Variants in SYN3 observed in about 807,000 individuals in gnomAD.
SYN3 encodes synapsin III, also known as synapsin-3.
A neutral mutation model predicts 65.8 loss-of-function variants in SYN3; 35 were observed. That is an observed-to-expected ratio of 0.53 (90% CI 0.41 to 0.70). The LOEUF is 0.70. Among genes scored for constraint, SYN3 ranks in the 30% least tolerant of loss-of-function variants. SYN3 has a pLI of 0.00. For synonymous variants in SYN3, 270 were observed against 292.9 expected (o/e 0.92, Z 0.80); for missense variants, 680 against 749.0 (o/e 0.91, Z 1.08).
intron 6 of SYN3, among the ~76,000 whole-genome samples, chr22:32,642,737 T>C (rs181964514): frequency 1.1e-3 from 173 of 152,152 alleles, no homozygotes; most frequent in African/African-American, 4.1e-3. Context: ...CTTATTTTTA[T>C]TTTTGAGATG....
rs915412554 is a variant in SYN3 at position 32,837,335 on chromosome 22, A to G, written c.711+27580T>C. Reference sequence around the variant, plus strand: ...CTCTCAGGGGATAGGGGGTGGTCTCAGCCCCCCTCACCGAGTGCACTTGCA... The same window carrying G: ...CTCTCAGGGGATAGGGGGTGGTCTCGGCCCCCCTCACCGAGTGCACTTGCA... On this transcript the variant is annotated intron_variant, in intron 6 of 13. Transcript: ENST00000358763. This position sits in a 1 kb window ranked among gnomAD's most constrained non-coding sequence, Gnocchi z 4.1. Among the ~76,000 whole-genome samples, 1 of 152,134 alleles carries G rather than the reference A, an allele frequency of 6.6e-6. No individual in the cohort carries two copies. Among genetic ancestry groups the G allele is most frequent in the Non-Finnish European group, 1.5e-5 (1 of 68,020 alleles).
chr22:33,006,237 C>G, intron 2 of SYN3, 115 bp downstream of exon 2: 1 of 1,262,600 alleles, frequency 7.9e-7, no homozygotes, highest in Non-Finnish European at 1.1e-6. Context: ...TCCAGCCAGG[C>G]TCTGATAGCA....
At chr22:32,708,652 CTT>C (rs1451856252) in intron 6 of SYN3, among the ~76,000 whole-genome samples, 1 of 152,214 alleles carries the variant, frequency 6.6e-6, no homozygotes, top group East Asian at 1.9e-4. Flanking sequence ...ACAGAAGCAG[CTT>C]GCCTGAGGCA....
chr22:32,927,536 C>A (rs2050509103), intron 4 of SYN3, among the ~76,000 whole-genome samples: 1 of 152,122 alleles, frequency 6.6e-6, no homozygotes, highest in Non-Finnish European at 1.5e-5. Flanking sequence ...AGGCGTGAGC[C>A]ACCACACCTG....
intron 7 of SYN3, among the ~76,000 whole-genome samples, chr22:32,588,700 G>C (rs566309056): frequency 6.6e-6 from 1 of 152,288 alleles, no homozygotes; most frequent in East Asian, 1.9e-4. Flanking sequence ...CACACAAACA[G>C]TAAATAGTAA....
At chr22:32,843,715 C>T (rs1046484339) in intron 6 of SYN3, among the ~76,000 whole-genome samples, 1 of 152,174 alleles carries the variant, frequency 6.6e-6, no homozygotes. Flanking sequence ...ATGGTCCAGG[C>T]TTTTCTTCCT....
At chr22:32,986,447 C>T (rs914483848) in intron 2 of SYN3, among the ~76,000 whole-genome samples, 8 of 152,170 alleles carry the variant, frequency 5.3e-5, no homozygotes, top group Admixed American at 1.3e-4. Context: ...GCCTGGCAGA[C>T]GGACTGGGGC....
At chr22:32,807,320 TA>T (rs1360447556) in intron 6 of SYN3, among the ~76,000 whole-genome samples, 1,455 of 105,544 alleles carry the variant, frequency 0.014, 38 homozygotes, top group Admixed American at 0.095. Context: ...ATATAATATA[TA>T]AATATATAAT....
At chr22:32,535,248 A>G (rs1227235810) in intron 9 of SYN3, among the ~76,000 whole-genome samples, 6 of 152,176 alleles carry the variant, frequency 3.9e-5, no homozygotes, top group Non-Finnish European at 7.3e-5. Flanking sequence ...ATGGGAGACC[A>G]GGGACCTACA....
intron 6 of SYN3, among the ~76,000 whole-genome samples, chr22:32,661,638 A>C (rs3788477): frequency 0.11 from 17,402 of 152,194 alleles, 1,045 homozygotes; most frequent in South Asian, 0.22. Flanking sequence ...TGGAGAAAAT[A>C]AGATGGAGAG....
At chr22:32,527,650 G>A (rs2058001573) in intron 12 of SYN3, 1 of 382,386 alleles carries the variant, frequency 2.6e-6, no homozygotes. Context: ...CAGGACGGCT[G>A]GGAAAATAAA....
intron 6 of SYN3, among the ~76,000 whole-genome samples, chr22:32,615,308 G>A (rs950811255): frequency 2.0e-5 from 3 of 151,876 alleles, no homozygotes; most frequent in African/African-American, 4.8e-5. Context: ...GGTGGCAGGC[G>A]CCTGTAATCC....
Position 32,979,187 on chromosome 22 carries a change from C to CAA in SYN3, c.369+1456_369+1457dup, listed in dbSNP as rs35720827. ...TGGGCAAGAGAGTGAGACTCCATCT[C>CAA]AAAAAAAAAAAAAAAAGAAAGAAAG... On this transcript the variant is annotated intron_variant, in intron 3 of 13. Transcript: ENST00000358763. Among the ~76,000 whole-genome samples, 208 of 88,726 alleles carry CAA rather than the reference C, an allele frequency of 2.3e-3. 3 individuals are homozygous for CAA. Among genetic ancestry groups the CAA allele is most frequent in the South Asian group, 0.013 (32 of 2,394 alleles). 58.2% of individuals were successfully genotyped at this position (88,726 alleles called of 152,430 possible).
chr22:32,959,707 AC>A, intron 3 of SYN3, among the ~76,000 whole-genome samples: 1 of 151,276 alleles, frequency 6.6e-6, no homozygotes, highest in Non-Finnish European at 1.5e-5. Context: ...CAATCCTCCC[AC>A]CTCAGCCTCC....
chr22:32,927,172 T>C (rs1276130574), intron 4 of SYN3, among the ~76,000 whole-genome samples: 1 of 152,182 alleles, frequency 6.6e-6, no homozygotes, highest in African/African-American at 2.4e-5. Context: ...TCAGACCTGC[T>C]GTTATATTGG....
intron 7 of SYN3, among the ~76,000 whole-genome samples, chr22:32,587,006 G>A (rs1379148995): frequency 6.6e-6 from 1 of 152,026 alleles, no homozygotes; most frequent in East Asian, 1.9e-4. Context: ...GGTGGATCAC[G>A]AGGTCAGGAG....
intron 3 of SYN3, among the ~76,000 whole-genome samples, chr22:32,975,646 CT>C (rs2052163637): frequency 6.6e-6 from 1 of 152,170 alleles, no homozygotes; most frequent in South Asian, 2.1e-4. Context: ...ACCGACTCGA[CT>C]TTATATTGTA....
chr22:33,012,886 C>T (rs1322056156), intron 1 of SYN3, among the ~76,000 whole-genome samples: 3 of 152,214 alleles, frequency 2.0e-5, no homozygotes, highest in South Asian at 2.1e-4. Flanking sequence ...GTTTTCCTTC[C>T]TTCAAGGGTC....
At chr22:32,826,603 AAAAG>A (rs1014785420) in intron 6 of SYN3, among the ~76,000 whole-genome samples, 6 of 152,224 alleles carry the variant, frequency 3.9e-5, no homozygotes, top group African/African-American at 1.4e-4. Flanking sequence ...TTAACACTTT[AAAAG>A]AAAGAAAGAA....
Sources: gnomAD v4.1 joint callset for allele counts (sites outside exome capture counted in the v4.1 genomes callset) on GRCh38, gnomAD v4.1.1 for gene constraint, Gnocchi (gnomAD v3.1) non-coding constraint, MANE v1.5 for transcripts, NCBI Gene and HGNC (gene_info 2026-07-23, HGNC 2026-07-21) for gene names.